Variants in UGT8 observed in about 807,000 individuals in gnomAD.
UGT8 encodes 2-hydroxyacylsphingosine 1-beta-galactosyltransferase.
UGT8 carries 12 observed loss-of-function variants against 40.5 expected under a neutral mutation model. The ratio of observed to expected loss-of-function variants is 0.30; its 90% CI spans 0.19 to 0.48. The LOEUF is 0.48. UGT8 is among the 20% of genes least tolerant of loss of function. UGT8 has a pLI of 0.99. For missense variants in UGT8, 513 were observed against 648.7 expected, an observed-to-expected ratio of 0.79 and a Z score of 2.27; for synonymous variants, 224 against 240.4, an observed-to-expected ratio of 0.93 and a Z score of 0.63.
chr4:114,658,662 C>T (rs973244633), intron 2 of UGT8, among the ~76,000 whole-genome samples: 1 of 152,010 alleles, frequency 6.6e-6, no homozygotes, highest in South Asian at 2.1e-4. Context: ...AAGCTACTTA[C>T]AATTTTCTTG....
intron 1 of UGT8, among the ~76,000 whole-genome samples, chr4:114,602,245 A>G (rs1264964917): frequency 6.6e-6 from 1 of 152,202 alleles, no homozygotes; most frequent in Non-Finnish European, 1.5e-5. Context: ...TTGTTTAGGA[A>G]TATGTATACT....
intron 1 of UGT8, among the ~76,000 whole-genome samples, chr4:114,605,068 A>G (rs1258251041): frequency 6.6e-6 from 1 of 152,164 alleles, no homozygotes; most frequent in Admixed American, 6.5e-5. Flanking sequence ...TGTCATGCTC[A>G]GCACTCCCTT....
At chr4:114,613,440 T>TTAA (rs1731209181) in intron 1 of UGT8, among the ~76,000 whole-genome samples, 5 of 152,176 alleles carry the variant, frequency 3.3e-5, no homozygotes, top group African/African-American at 1.2e-4. Flanking sequence ...AACTACTATA[T>TTAA]GTGTTTACTA....
intron 2 of UGT8, among the ~76,000 whole-genome samples, chr4:114,639,152 T>C (rs77518361): frequency 0.012 from 1,854 of 152,316 alleles, 50 homozygotes; most frequent in African/African-American, 0.043. Context: ...GATTCCAATG[T>C]CCTTTCCATT....
At chr4:114,632,263 TTAGA>T (rs1279018454) in intron 2 of UGT8, among the ~76,000 whole-genome samples, 1 of 152,196 alleles carries the variant, frequency 6.6e-6, no homozygotes, top group East Asian at 1.9e-4. Context: ...GAAAATGCTA[TTAGA>T]TAGGAGAGAG....
intron 3 of UGT8, 29 bp downstream of exon 3, chr4:114,664,166 G>T: frequency 6.2e-7 from 1 of 1,609,088 alleles, no homozygotes; most frequent in African/African-American, 1.3e-5. Flanking sequence ...TTGTTTCTTT[G>T]CTATTGACAA....
At chr4:114,645,164 G>T (rs765882690) in intron 2 of UGT8, among the ~76,000 whole-genome samples, 4 of 152,142 alleles carry the variant, frequency 2.6e-5, no homozygotes, top group East Asian at 1.9e-4. Context: ...CCAAATATTG[G>T]TTAAAAGTTG....
chr4:114,627,447 A>T (rs1462823958), intron 2 of UGT8, among the ~76,000 whole-genome samples: 1 of 151,850 alleles, frequency 6.6e-6, no homozygotes, highest in Non-Finnish European at 1.5e-5. Flanking sequence ...TTTAGTAGAG[A>T]TGGAGTTTCA....
At chr4:114,653,408 T>G (rs1468781128) in intron 2 of UGT8, among the ~76,000 whole-genome samples, 1 of 152,062 alleles carries the variant, frequency 6.6e-6, no homozygotes, top group Non-Finnish European at 1.5e-5. Flanking sequence ...AAGGATCTAT[T>G]TGAGTGATTT....
At position 114,645,687 on chromosome 4, in the gene UGT8, G is replaced by A. The variant is rs550780911; in HGVS notation, c.823-18308G>A. The stretch of plus-strand genomic sequence containing the variant: ...TGCTTATACTAAAGAAGTAGTCATC[G>A]AATATATACCAATGACCTTAAGTTG... On this transcript the variant is annotated intron_variant, in intron 2 of 5. Coordinates refer to ENST00000310836, the MANE Select transcript of UGT8 (RefSeq NM_001128174.3). Among the ~76,000 whole-genome samples the A allele has an allele frequency of 3.3e-5, 5 of 152,232 alleles. No homozygotes were observed. In the East Asian group the frequency reaches 9.7e-4, roughly 29 times the overall value.
At chr4:114,622,417 G>C (rs1326468421) in intron 1 of UGT8, 2 of 153,618 alleles carry the variant, frequency 1.3e-5, no homozygotes, top group African/African-American at 2.4e-5. Flanking sequence ...ATAAACATAC[G>C]TGTGCATGTG....
chr4:114,668,005 G>A (rs781494249), intron 4 of UGT8, 80 bp from the exon 5 acceptor site: 53 of 1,545,948 alleles, frequency 3.4e-5, no homozygotes, highest in Non-Finnish European at 4.3e-5. Context: ...CTGTAGTGCC[G>A]ATTTTTAATG....
At chr4:114,671,430 A>T (rs766946782) in intron 5 of UGT8, among the ~76,000 whole-genome samples, 1 of 152,198 alleles carries the variant, frequency 6.6e-6, no homozygotes, top group Non-Finnish European at 1.5e-5. Flanking sequence ...AAACTATACT[A>T]CAAGATTGCA....
At chr4:114,603,073 G>A (rs999561802) in intron 1 of UGT8, among the ~76,000 whole-genome samples, 2 of 152,146 alleles carry the variant, frequency 1.3e-5, no homozygotes, top group Admixed American at 6.5e-5. Context: ...TGGTTACAAC[G>A]ATATTCAGGT....
intron 2 of UGT8, among the ~76,000 whole-genome samples, chr4:114,640,607 C>G (rs1221920554): frequency 6.6e-6 from 1 of 151,996 alleles, no homozygotes; most frequent in Non-Finnish European, 1.5e-5. Context: ...TGAGACTAGG[C>G]TGTTTACAAA....
At chr4:114,646,385 CTATATA>C (rs890122307) in intron 2 of UGT8, among the ~76,000 whole-genome samples, 13 of 151,072 alleles carry the variant, frequency 8.6e-5, no homozygotes, top group Non-Finnish European at 1.3e-4. Context: ...ATATCTATAT[CTATATA>C]TATATGCATA....
intron 5 of UGT8, among the ~76,000 whole-genome samples, chr4:114,672,474 TAG>T (rs1735354911): frequency 6.6e-6 from 1 of 152,172 alleles, no homozygotes; most frequent in Non-Finnish European, 1.5e-5. Context: ...TACCATGGAA[TAG>T]TATATAGCAT....
At chr4:114,670,179 A>G (rs1735148211) in intron 5 of UGT8, among the ~76,000 whole-genome samples, 1 of 152,092 alleles carries the variant, frequency 6.6e-6, no homozygotes, top group African/African-American at 2.4e-5. Context: ...AAATACTGGC[A>G]AACCGAATCC....
At chr4:114,604,457 C>CTTT (rs35685088) in intron 1 of UGT8, among the ~76,000 whole-genome samples, 25 of 132,928 alleles carry the variant, frequency 1.9e-4, no homozygotes, top group East Asian at 6.4e-4. Context: ...GGTTTGTTTG[C>CTTT]TTTTTTTTTT....
Sources: allele counts gnomAD v4.1 joint callset (sites outside exome capture counted in the v4.1 genomes callset), GRCh38; gene constraint gnomAD v4.1.1; transcripts MANE v1.5; gene names NCBI Gene and HGNC (gene_info 2026-07-23, HGNC 2026-07-21).